EPM2A: variants seen among roughly 807,000 people sequenced by gnomAD.
EPM2A encodes EPM2A glucan phosphatase, laforin.
Under a neutral mutation model 26.5 loss-of-function variants are expected in EPM2A, and 21 were observed. The observed-to-expected ratio is 0.79, with a 90% CI of 0.56 to 1.14. EPM2A has a LOEUF of 1.14. EPM2A is among the 50% of genes most tolerant of loss of function. The pLI, the probability that EPM2A is intolerant of heterozygous loss-of-function variation, is 0.00. For missense variants in EPM2A, 458 were observed against 440.8 expected, an observed-to-expected ratio of 1.04 and a Z score of -0.35; for synonymous variants, 217 against 177.6, an observed-to-expected ratio of 1.22 and a Z score of -1.76.
At chr6:145,434,261 TCTC>T (rs1277474044) in intron 4 of EPM2A, among the ~76,000 whole-genome samples, 86 of 150,910 alleles carry the variant, frequency 5.7e-4, no homozygotes, top group Non-Finnish European at 9.4e-4. Flanking sequence ...TTTATCTCTC[TCTC>T]TCTTTTTTTT....
chr6:145,703,176 C>G (rs1782023859), intron 1 of EPM2A, among the ~76,000 whole-genome samples: 1 of 150,556 alleles, frequency 6.6e-6, no homozygotes, highest in South Asian at 2.1e-4. Context: ...ACTGCAAGCT[C>G]TGCCTCCTGG....
intron 2 of EPM2A, among the ~76,000 whole-genome samples, chr6:145,536,757 G>T (rs1780437935): frequency 6.6e-6 from 1 of 152,166 alleles, no homozygotes; most frequent in Non-Finnish European, 1.5e-5. Context: ...GTCCTTCTTG[G>T]AACTGTGGAA....
intron 2 of EPM2A, among the ~76,000 whole-genome samples, chr6:145,574,649 C>T (rs769949442): frequency 6.6e-6 from 1 of 152,212 alleles, no homozygotes; most frequent in East Asian, 1.9e-4. Flanking sequence ...ATCCCAAACT[C>T]CCTAAGCCTT....
At chr6:145,693,011 C>T (rs1781369976) in intron 1 of EPM2A, among the ~76,000 whole-genome samples, 1 of 151,956 alleles carries the variant, frequency 6.6e-6, no homozygotes, top group Admixed American at 6.6e-5. Context: ...GGTAGTATGG[C>T]CACTTGAGCA....
chr6:145,735,019 A>G (rs1776759712), intron 1 of EPM2A, 179 bp downstream of exon 1: 4 of 375,258 alleles, frequency 1.1e-5, no homozygotes, highest in South Asian at 8.4e-5. Context: ...TGGCGGCGAC[A>G]GCGTGGCCGG....
Position 145,442,233 on chromosome 6 carries a change from C to T in EPM2A, c.556-58136G>A, listed in dbSNP as rs377225016. Among the ~76,000 whole-genome samples the T allele has an allele frequency of 3.2e-4, 48 of 152,326 alleles. 1 individual carries two copies. In the South Asian group the frequency reaches 5.4e-3, roughly 17 times the overall value. Reference sequence around the variant, plus strand: ...TCTGAGCTCTCTAAACTGTTCCAACCTCTGTCTGTTACCCAGTTGCAAAGT... The same window carrying T: ...TCTGAGCTCTCTAAACTGTTCCAACTTCTGTCTGTTACCCAGTTGCAAAGT... On this transcript the variant is annotated intron_variant, in intron 4 of 4. Coordinates refer to the EPM2A transcript ENST00000638717.
chr6:145,663,424 G>C (rs926708448), intron 2 of EPM2A, among the ~76,000 whole-genome samples: 13 of 152,354 alleles, frequency 8.5e-5, no homozygotes, highest in African/African-American at 2.9e-4. Context: ...AGCCGAAGCA[G>C]GGCGAGGCAT....
chr6:145,491,581 A>T (rs377080176), intron 4 of EPM2A, among the ~76,000 whole-genome samples: 105 of 152,134 alleles, frequency 6.9e-4, no homozygotes, highest in African/African-American at 2.4e-3. Flanking sequence ...TAGGCACAGG[A>T]TAGGGGGCAG....
chr6:145,675,412 C>G (rs996857421), intron 2 of EPM2A, among the ~76,000 whole-genome samples: 1 of 152,154 alleles, frequency 6.6e-6, no homozygotes, highest in African/African-American at 2.4e-5. Flanking sequence ...ATCATAATGA[C>G]AGGATCAAAT....
At chr6:145,437,189 G>C (rs374104233) in intron 4 of EPM2A, among the ~76,000 whole-genome samples, 1 of 152,012 alleles carries the variant, frequency 6.6e-6, no homozygotes, top group African/African-American at 2.4e-5. Flanking sequence ...CATGAGATCT[G>C]ATGGTTTAAA....
rs79846197 is a variant in EPM2A at position 145,550,953 on chromosome 6, G to A, written c.341-48378C>T. On this transcript the variant is annotated intron_variant, in intron 2 of 3. Transcript: ENST00000450221. ...TTGGGGAAAATCAAAACTTACATGT[G>A]AATTTTTGACTGTGCAGTGCTCCTA... Among the ~76,000 whole-genome samples the A allele has an allele frequency of 4.6e-3, 700 of 151,984 alleles. 24 individuals carry two copies. In the East Asian group the frequency reaches 0.084, roughly 18 times the overall value.
At chr6:145,545,615 G>A (rs1780572696) in intron 2 of EPM2A, among the ~76,000 whole-genome samples, 1 of 152,050 alleles carries the variant, frequency 6.6e-6, no homozygotes, top group African/African-American at 2.4e-5. Context: ...GTTCTTTTAA[G>A]TAAATAAATC....
At chr6:145,487,167 G>A (rs765429987) in intron 4 of EPM2A, among the ~76,000 whole-genome samples, 1 of 152,160 alleles carries the variant, frequency 6.6e-6, no homozygotes, top group African/African-American at 2.4e-5. Flanking sequence ...CAAAGGATAT[G>A]ATCTCATGCT....
At chr6:145,662,297 C>G (rs1778776023) in intron 2 of EPM2A, among the ~76,000 whole-genome samples, 1 of 152,060 alleles carries the variant, frequency 6.6e-6, no homozygotes, top group African/African-American at 2.4e-5. Flanking sequence ...TTGTATAAAC[C>G]TATTATTTTT....
chr6:145,463,486 A>G (rs776962768), intron 4 of EPM2A: 1 of 152,168 alleles, frequency 6.6e-6, no homozygotes, highest in Non-Finnish European at 1.5e-5. Context: ...ACATACATAC[A>G]TATAATTTTG....
At position 145,417,973 on chromosome 6, in the gene EPM2A, C is replaced by T. The variant is rs116645014; in HGVS notation, c.556-33876G>A. Reference sequence around the variant, plus strand: ...GATGGAAACTACAATCTCACCACACCGCCCACTCCCTCCCTCACACCCCTG... The same window carrying T: ...GATGGAAACTACAATCTCACCACACTGCCCACTCCCTCCCTCACACCCCTG... On this transcript the variant is annotated intron_variant, in intron 4 of 4. Coordinates refer to the EPM2A transcript ENST00000638717. Among the ~76,000 whole-genome samples, 408 of 152,230 alleles carry T rather than the reference C, an allele frequency of 2.7e-3. 2 individuals are homozygous for T. Among genetic ancestry groups the T allele is most frequent in the African/African-American group, 9.2e-3 (382 of 41,538 alleles).
chr6:145,617,500 C>T (rs918811774), intron 2 of EPM2A, among the ~76,000 whole-genome samples: 2 of 152,098 alleles, frequency 1.3e-5, no homozygotes, highest in East Asian at 1.9e-4. Context: ...AAAGAGAAAT[C>T]GTTATTAAAA....
At chr6:145,677,537 T>C (rs1215509039) in intron 2 of EPM2A, among the ~76,000 whole-genome samples, 1 of 152,150 alleles carries the variant, frequency 6.6e-6, no homozygotes, top group African/African-American at 2.4e-5. Flanking sequence ...GAAAACCCCA[T>C]CATCTCAGCC....
intron 4 of EPM2A, among the ~76,000 whole-genome samples, chr6:145,415,005 A>G (rs1260045520): frequency 1.3e-5 from 2 of 151,852 alleles, no homozygotes; most frequent in Non-Finnish European, 2.9e-5. Context: ...TTTCTTGTTC[A>G]CTCTACCTGT....
Sources: gnomAD v4.1 joint callset for allele counts (sites outside exome capture counted in the v4.1 genomes callset) on GRCh38, gnomAD v4.1.1 for gene constraint, MANE v1.5 for transcripts, NCBI Gene and HGNC (gene_info 2026-07-23, HGNC 2026-07-21) for gene names.